The following SYN2 variants were observed in gnomAD, a reference collection of about 807,000 sequenced individuals.
SYN2 encodes synapsin II.
Under a neutral mutation model 50.9 loss-of-function variants are expected in SYN2, and 19 were observed. That is an observed-to-expected ratio of 0.37 (90% CI 0.26 to 0.55). SYN2 has a LOEUF of 0.55. Among genes scored for constraint, SYN2 ranks in the 20% least tolerant of loss-of-function variants. SYN2 has a pLI of 0.81. For synonymous variants in SYN2, 255 were observed against 224.9 expected (o/e 1.13, Z -1.20); for missense variants, 587 against 576.4 (o/e 1.02, Z -0.19).
chr3:12,118,125 T>C (rs1696472897), intron 1 of SYN2, among the ~76,000 whole-genome samples: 1 of 152,236 alleles, frequency 6.6e-6, no homozygotes, highest in Non-Finnish European at 1.5e-5. Context: ...GTCTAAGTTT[T>C]ATGTTCATGA....
rs763927209 is a variant in SYN2 at position 12,190,843 on chromosome 3, G to A, written c.*218G>A. Reference sequence around the variant, plus strand: ...AGCAAGGGGTACCTGGCATCAGAGAGGAAAGAGCTGCTTCCCTGTAGTCAT... The same window carrying A: ...AGCAAGGGGTACCTGGCATCAGAGAAGAAAGAGCTGCTTCCCTGTAGTCAT... On this transcript the variant is annotated 3_prime_UTR_variant, in exon 13 of 13. Coordinates refer to ENST00000621198, the MANE Select transcript of SYN2 (RefSeq NM_133625.6). 3.2e-5 allele frequency: 42 copies of A among 1,321,178 alleles called. No homozygotes were observed. Among genetic ancestry groups the A allele is most frequent in the South Asian group, 2.2e-4 (11 of 50,700 alleles). The allele number at this position is 1,321,178 out of a possible 1,614,324, so 81.8% of individuals were successfully genotyped here. A position where few individuals can be genotyped will look rare whatever the true frequency, so the allele number is the denominator to read the frequency against.
intron 10 of SYN2, among the ~76,000 whole-genome samples, chr3:12,182,613 T>C (rs1233043345): frequency 6.6e-6 from 1 of 152,204 alleles, no homozygotes; most frequent in Non-Finnish European, 1.5e-5. Context: ...AATGTCTTAC[T>C]CTTTCCCTCT....
chr3:12,158,128 G>T (rs1336533613), intron 5 of SYN2, among the ~76,000 whole-genome samples: 1 of 152,176 alleles, frequency 6.6e-6, no homozygotes, highest in Non-Finnish European at 1.5e-5. Flanking sequence ...GCGCTAAGAC[G>T]GTTAGAGATG....
intron 1 of SYN2, among the ~76,000 whole-genome samples, chr3:12,039,100 GT>G (rs1455791838): frequency 6.6e-6 from 1 of 152,018 alleles, no homozygotes; most frequent in Admixed American, 6.6e-5. Context: ...GTTGTTGAGT[GT>G]TTTTATCATG....
chr3:12,173,053 T>G lies in SYN2; in HGVS notation c.1308+3147T>G, dbSNP rs536903188. Among the ~76,000 whole-genome samples, 14 of 152,308 alleles carry G rather than the reference T, an allele frequency of 9.2e-5. No individual in the cohort carries two copies. The South Asian group carries it at 2.7e-3, about 29-fold the overall frequency. On this transcript the variant is annotated intron_variant, in intron 10 of 12. Coordinates refer to ENST00000621198, the MANE Select transcript of SYN2 (RefSeq NM_133625.6). ...TGTCCAAAAGATTTATATTCTAAAT[T>G]GAAATAATGATTGAATTCACAGAGG...
At chr3:12,021,343 AC>A (rs1261834074) in intron 1 of SYN2, among the ~76,000 whole-genome samples, 1 of 152,210 alleles carries the variant, frequency 6.6e-6, no homozygotes, top group Admixed American at 6.5e-5. Context: ...CAGTCTATCA[AC>A]CATTTTTACC....
At chr3:12,147,661 C>G (rs929072763) in intron 4 of SYN2, among the ~76,000 whole-genome samples, 6 of 152,154 alleles carry the variant, frequency 3.9e-5, no homozygotes, top group African/African-American at 1.4e-4. Context: ...ACAGGGTGAT[C>G]CTGCTATTAG....
chr3:12,124,683 C>T (rs953981847), intron 1 of SYN2, among the ~76,000 whole-genome samples: 2 of 152,046 alleles, frequency 1.3e-5, no homozygotes, highest in African/African-American at 4.8e-5. Context: ...AAATGCAGGT[C>T]GTAGGCAGAT....
At chr3:12,154,207 C>T in intron 5 of SYN2, 1 of 1,445,198 alleles carries the variant, frequency 6.9e-7, no homozygotes, top group Non-Finnish European at 9.4e-7. Flanking sequence ...CTTTCTCATC[C>T]CCAACTTCAT....
chr3:12,115,349 A>G (rs1038227448), intron 1 of SYN2, among the ~76,000 whole-genome samples: 4 of 152,162 alleles, frequency 2.6e-5, no homozygotes, highest in African/African-American at 9.7e-5. Flanking sequence ...ACAACTACCT[A>G]CTTTAGAATC....
rs144376549 is a variant in SYN2, at chr3:12,075,885, G to A, written c.378-64766G>A. On this transcript the variant is annotated intron_variant, in intron 1 of 12. Transcript: ENST00000621198. ...AGTCACTGTCTTTAAAGAGCATATA[G>A]CTGATAATATTACCAGCCAATATTC... 4.6e-3 allele frequency among the ~76,000 whole-genome samples: 704 copies of A among 152,246 alleles called. 5 individuals are homozygous for A. The highest frequency in any genetic ancestry group is 0.016 in the African/African-American group (646 of 41,548).
intron 1 of SYN2, among the ~76,000 whole-genome samples, chr3:12,136,630 C>A (rs1696899221): frequency 6.6e-6 from 1 of 152,158 alleles, no homozygotes; most frequent in Non-Finnish European, 1.5e-5. Context: ...GCCTCACAAG[C>A]CCTAGTTGTT....
intron 1 of SYN2, among the ~76,000 whole-genome samples, chr3:12,021,894 G>A (rs1476509521): frequency 6.6e-6 from 1 of 151,992 alleles, no homozygotes; most frequent in East Asian, 1.9e-4. Context: ...ACGAAACCCC[G>A]TCTCTATTAA....
At chr3:12,183,982 A>G in intron 11 of SYN2, 2 of 986,304 alleles carry the variant, frequency 2.0e-6, no homozygotes, top group African/African-American at 1.7e-5. Context: ...GAGATTTTCA[A>G]GATCAAACTT....
intron 3 of SYN2, among the ~76,000 whole-genome samples, chr3:12,142,318 T>C (rs924455939): frequency 6.6e-6 from 1 of 152,214 alleles, no homozygotes; most frequent in African/African-American, 2.4e-5. Context: ...CCTGCATACA[T>C]TTCCCTTGGA....
chr3:12,133,247 C>T (rs1304919264), intron 1 of SYN2, among the ~76,000 whole-genome samples: 1 of 152,184 alleles, frequency 6.6e-6, no homozygotes, highest in Non-Finnish European at 1.5e-5. Flanking sequence ...CAGAATGTTG[C>T]CTTTATCTGG....
At chr3:12,082,983 C>T (rs529304465) in intron 1 of SYN2, among the ~76,000 whole-genome samples, 1 of 152,180 alleles carries the variant, frequency 6.6e-6, no homozygotes, top group East Asian at 1.9e-4. Context: ...AGTAGAAAAA[C>T]CTACTTTCCC....
chr3:12,174,336 C>G (rs182500680), intron 10 of SYN2, among the ~76,000 whole-genome samples: 80 of 152,198 alleles, frequency 5.3e-4, no homozygotes, highest in African/African-American at 1.8e-3. Flanking sequence ...TCCTGTCCCC[C>G]CAACATTGTT....
intron 1 of SYN2, among the ~76,000 whole-genome samples, chr3:12,036,982 G>A (rs1201165031): frequency 6.6e-6 from 1 of 152,154 alleles, no homozygotes; most frequent in Non-Finnish European, 1.5e-5. Context: ...TCACTGTTAA[G>A]TTCTGCATTC....
Sources: gnomAD v4.1 joint callset for allele counts (sites outside exome capture counted in the v4.1 genomes callset) on GRCh38, gnomAD v4.1.1 for gene constraint, MANE v1.5 for transcripts, NCBI Gene and HGNC (gene_info 2026-07-23, HGNC 2026-07-21) for gene names.